HDAC9: variants seen among roughly 807,000 people sequenced by gnomAD.
HDAC9 encodes the protein MEF-2 interacting transcription repressor (MITR) protein.
In HDAC9, 41 loss-of-function variants were observed where a neutral mutation model predicts 139.4. That is an observed-to-expected ratio of 0.29 (90% CI 0.23 to 0.38). The LOEUF (loss-of-function observed/expected upper bound fraction) is 0.38. Among genes scored for constraint, HDAC9 ranks in the 10% least tolerant of loss-of-function variants. The pLI is 1.00. For synonymous variants in HDAC9, 517 were observed against 476.2 expected, an observed-to-expected ratio of 1.09 and a Z score of -1.12; for missense variants, 1,147 against 1,297.0, an observed-to-expected ratio of 0.88 and a Z score of 1.78.
chr7:18,181,687 C>T (rs1167616930), intron 2 of HDAC9, among the ~76,000 whole-genome samples: 2 of 152,112 alleles, frequency 1.3e-5, no homozygotes, highest in Non-Finnish European at 2.9e-5. Flanking sequence ...AATAGCAGGC[C>T]TTTACAAACT....
At chr7:18,098,562 T>G (rs771140043) in intron 1 of HDAC9, among the ~76,000 whole-genome samples, 1 of 152,218 alleles carries the variant, frequency 6.6e-6, no homozygotes, top group African/African-American at 2.4e-5. Context: ...CAAACTTGAG[T>G]GTGCATCAGC....
chr7:18,552,380 TTC>T (rs1486480455), intron 2 of HDAC9, among the ~76,000 whole-genome samples: 2 of 152,076 alleles, frequency 1.3e-5, no homozygotes, highest in Non-Finnish European at 2.9e-5. Context: ...CATTACAGGA[TTC>T]TGAGTTTCCA....
At chr7:18,529,122 A>T (rs1807960873) in intron 2 of HDAC9, among the ~76,000 whole-genome samples, 1 of 152,150 alleles carries the variant, frequency 6.6e-6, no homozygotes, top group Non-Finnish European at 1.5e-5. Flanking sequence ...AATAACAATG[A>T]GTGGAAAATT....
At chr7:18,418,215 CA>C in intron 1 of HDAC9, among the ~76,000 whole-genome samples, 1 of 152,224 alleles carries the variant, frequency 6.6e-6, no homozygotes, top group South Asian at 2.1e-4. Context: ...CCTGCTACTA[CA>C]AGTTGAAGGC....
chr7:18,278,346 A>G (rs1404290264), intron 2 of HDAC9, among the ~76,000 whole-genome samples: 8 of 152,240 alleles, frequency 5.3e-5, no homozygotes, highest in Non-Finnish European at 7.3e-5. Flanking sequence ...TTTAAAAACA[A>G]AAACATACGC....
chr7:18,784,910 T>C (rs1050781175), intron 16 of HDAC9, among the ~76,000 whole-genome samples: 1 of 151,490 alleles, frequency 6.6e-6, no homozygotes, highest in African/African-American at 2.4e-5. Flanking sequence ...CAACAGTTTC[T>C]CAAAAACTTG....
chr7:18,142,640 G>T (rs1448216697), intron 1 of HDAC9, among the ~76,000 whole-genome samples: 1 of 152,168 alleles, frequency 6.6e-6, no homozygotes, highest in Admixed American at 6.5e-5. Context: ...AGAGAGTTTT[G>T]TCCTTCCTGG....
chr7:18,971,650 A>G (rs939424133), intron 24 of HDAC9, among the ~76,000 whole-genome samples: 6 of 152,228 alleles, frequency 3.9e-5, no homozygotes, highest in Non-Finnish European at 2.9e-5. Context: ...ATGAATAGAG[A>G]TAGTCGTCTA....
intron 1 of HDAC9, among the ~76,000 whole-genome samples, chr7:18,366,282 T>A (rs1226043344): frequency 6.6e-6 from 1 of 152,128 alleles, no homozygotes; most frequent in African/African-American, 2.4e-5. Flanking sequence ...GGAGGTTCTG[T>A]CACAAACAGG....
At chr7:18,795,300 A>G (rs1007456924) in intron 17 of HDAC9, among the ~76,000 whole-genome samples, 2 of 150,978 alleles carry the variant, frequency 1.3e-5, no homozygotes, top group African/African-American at 4.9e-5. Flanking sequence ...AGCCAGCCTA[A>G]GAATCAAGAA....
At chr7:18,396,899 T>G (rs1787113738) in intron 1 of HDAC9, among the ~76,000 whole-genome samples, 1 of 152,172 alleles carries the variant, frequency 6.6e-6, no homozygotes, top group South Asian at 2.1e-4. Context: ...TTGTTTTTTT[T>G]GGTTTACTTG....
intron 2 of HDAC9, among the ~76,000 whole-genome samples, chr7:18,559,617 G>A (rs79485501): frequency 6.6e-6 from 1 of 151,928 alleles, no homozygotes; most frequent in Non-Finnish European, 1.5e-5. Context: ...CCTTTTATAC[G>A]TTGGAGTTTA....
chr7:18,312,167 G>C (rs1355670582), intron 1 of HDAC9, among the ~76,000 whole-genome samples: 1 of 152,090 alleles, frequency 6.6e-6, no homozygotes, highest in African/African-American at 2.4e-5. Flanking sequence ...TTTCCCTGGT[G>C]CTTTTAAATG....
chr7:18,702,124 T>G (rs921703716), intron 12 of HDAC9, among the ~76,000 whole-genome samples: 3 of 152,182 alleles, frequency 2.0e-5, no homozygotes, highest in African/African-American at 7.2e-5. Flanking sequence ...TGTAGGTTAG[T>G]CGGATCTCGC....
rs1353886257 is a variant in HDAC9, at chr7:18,095,214, T to C, written c.-97+8001T>C. 4.6e-5 allele frequency among the ~76,000 whole-genome samples: 7 copies of C among 152,098 alleles called. No homozygotes were observed. The East Asian group carries it at 1.2e-3, about 25-fold the overall frequency. ...TATGTCCCACCTCTTCTGTGATGCTTCCCCTGATTACTACAACACACTGAG... is the reference window on the plus strand; with the variant it reads ...TATGTCCCACCTCTTCTGTGATGCTCCCCCTGATTACTACAACACACTGAG... On this transcript the variant is annotated intron_variant, in intron 1 of 12. Transcript: ENST00000417496.
intron 2 of HDAC9, among the ~76,000 whole-genome samples, chr7:18,246,111 G>A (rs912381116): frequency 2.4e-4 from 35 of 147,962 alleles, no homozygotes; most frequent in Admixed American, 2.2e-3. Flanking sequence ...TATTGAAAAA[G>A]TAAGTTATCT....
At chr7:18,805,342 A>T (rs544169351) in intron 17 of HDAC9, among the ~76,000 whole-genome samples, 1 of 152,302 alleles carries the variant, frequency 6.6e-6, no homozygotes, top group East Asian at 1.9e-4. Flanking sequence ...AGAAGGCCTG[A>T]TAAATGTGTC....
intron 2 of HDAC9, among the ~76,000 whole-genome samples, chr7:18,163,436 A>T (rs1461766958): frequency 6.6e-6 from 1 of 152,182 alleles, no homozygotes; most frequent in Admixed American, 6.5e-5. Flanking sequence ...GCATGCATTG[A>T]CATCACTCGG....
At position 18,648,520 on chromosome 7, in the gene HDAC9, C is replaced by T; in HGVS notation, c.1304C>T (p.Pro435Leu). 6.2e-7 allele frequency: 1 copy of T among 1,613,566 alleles called. No homozygotes were observed. Among genetic ancestry groups the T allele is most frequent in the Non-Finnish European group, 8.5e-7 (1 of 1,179,768 alleles). Residue 435 changes from proline (P) to leucine (L), a missense_variant, in exon 11 of 26, where the codon CCT (proline) becomes CTT (leucine). Pro to Leu is a moderately conservative substitution (Grantham distance 98). This residue lies in a region of HDAC9 where 264 missense variants were observed against 273.8 expected (regional missense o/e 0.96). Coordinates refer to ENST00000686413, the MANE Select transcript of HDAC9 (RefSeq NM_178425.4). ...TTGGCAACAAAAGAGAGAATTTCAC[C>T]TGGCATTAGAGGTACCCACAAATTG... is the stretch of plus-strand genomic sequence containing the variant. The part of the protein sequence containing the change: ...SPLATKERIS[P>L]GIRGTHKLPR...
Sources: gnomAD v4.1 joint callset for allele counts (sites outside exome capture counted in the v4.1 genomes callset) on GRCh38, gnomAD v4.1.1 for gene constraint, gnomAD v4.1.1 regional missense constraint, MANE v1.5 for transcripts, NCBI Gene and HGNC (gene_info 2026-07-23, HGNC 2026-07-21) for gene names.